Variants in TBCD observed in about 807,000 individuals in gnomAD.
TBCD encodes the protein tubulin folding cofactor D, also known as tubulin-specific chaperone D.
TBCD carries 105 observed loss-of-function variants against 169.3 expected under a neutral mutation model. That is an observed-to-expected ratio of 0.62 (90% CI 0.53 to 0.73). The LOEUF is 0.73. Among genes scored for constraint, TBCD ranks in the 30% least tolerant of loss-of-function variants. The probability of loss-of-function intolerance (pLI) is 0.00; values close to 1 mark genes in which losing one functional copy is unlikely to be tolerated. For synonymous variants in TBCD, 700 were observed against 643.9 expected (o/e 1.09, Z -1.32); for missense variants, 1,444 against 1,600.1 (o/e 0.90, Z 1.66).
At chr17:82,941,328 G>A (rs142848723) in intron 37 of TBCD, 71 bp from the exon 38 acceptor site, 8 of 1,357,228 alleles carry the variant, frequency 5.9e-6, no homozygotes, top group East Asian at 2.6e-5. Flanking sequence ...GAAGCTTGAC[G>A]CGGGACCTCC....
At chr17:82,932,443 C>A (rs1324907228) in intron 33 of TBCD, among the ~76,000 whole-genome samples, 1 of 152,258 alleles carries the variant, frequency 6.6e-6, no homozygotes, top group African/African-American at 2.4e-5. Flanking sequence ...TCTATCCCTT[C>A]CACTTTACCA....
At chr17:82,863,309 G>A (rs754049334) in intron 13 of TBCD, among the ~76,000 whole-genome samples, 1 of 152,180 alleles carries the variant, frequency 6.6e-6, no homozygotes, top group Non-Finnish European at 1.5e-5. Flanking sequence ...CTGTGTGCCT[G>A]GAACCTTTAG....
rs4986128 is a variant in TBCD at position 82,890,733 on chromosome 17, T to C, written c.1563+1036T>C. On this transcript the variant is annotated intron_variant, in intron 16 of 38. Transcript: ENST00000355528. This position sits in a 1 kb window ranked among gnomAD's most constrained non-coding sequence, Gnocchi z 5.3. ...CCCACCCAGCATCCTTGGGGTGCCG[T>C]GGGGCCTGCATGTGTTCAGAGCCCT... 0.34 allele frequency among the ~76,000 whole-genome samples: 50,993 copies of C among 152,050 alleles called. 9,383 individuals carry two copies. Among genetic ancestry groups the C allele is most frequent in the African/African-American group, 0.48 (20,087 of 41,456 alleles).
At chr17:82,823,353 G>A (rs903883614) in intron 13 of TBCD, among the ~76,000 whole-genome samples, 1 of 152,194 alleles carries the variant, frequency 6.6e-6, no homozygotes, top group African/African-American at 2.4e-5. Context: ...CCAGTTCCCC[G>A]CCTGTTTTTG....
intron 27 of TBCD, 88 bp from the exon 28 acceptor site, chr17:82,926,312 T>C: frequency 7.9e-7 from 1 of 1,266,176 alleles, no homozygotes; most frequent in Non-Finnish European, 1.1e-6. Context: ...GTGTGGGGTC[T>C]GTGGCTCCGG....
rs1599269666 is a variant in TBCD at position 82,890,667 on chromosome 17, A to G, written c.1563+970A>G. 1.3e-5 allele frequency among the ~76,000 whole-genome samples: 2 copies of G among 152,086 alleles called. No homozygotes were observed. The highest frequency in any genetic ancestry group is 3.9e-4 in the East Asian group (2 of 5,178). On this transcript the variant is annotated intron_variant, in intron 16 of 38. Coordinates refer to ENST00000355528, the MANE Select transcript of TBCD (RefSeq NM_005993.5). The surrounding 1 kb of genome is among the most constrained non-coding windows in gnomAD (Gnocchi z 5.3). ...CGGCTTTCTGTAGACGGAGCCCAGG[A>G]AGGGGCGTGACTACTTCTTGCTGGC...
At chr17:82,928,091 T>C in intron 30 of TBCD, 103 bp downstream of exon 30, 2 of 1,008,178 alleles carry the variant, frequency 2.0e-6, no homozygotes, top group Non-Finnish European at 3.0e-6. Flanking sequence ...TTTGCACTGC[T>C]GGGCACACAC....
At chr17:82,908,927 A>G (rs2060429632) in intron 21 of TBCD, among the ~76,000 whole-genome samples, 1 of 152,274 alleles carries the variant, frequency 6.6e-6, no homozygotes. Context: ...TTACAAAAAA[A>G]GAAACATCAG....
At chr17:82,869,310 A>G (rs564925476) in intron 13 of TBCD, among the ~76,000 whole-genome samples, 2 of 152,174 alleles carry the variant, frequency 1.3e-5, no homozygotes, top group African/African-American at 2.4e-5. Context: ...TCTCATGTCT[A>G]TGTAAAAAAT....
At chr17:82,910,661 G>A (rs78395964) in intron 22 of TBCD, among the ~76,000 whole-genome samples, 16,541 of 151,732 alleles carry the variant, frequency 0.11, 1,144 homozygotes, top group South Asian at 0.3. Flanking sequence ...CACCTCCCAC[G>A]TTCAAGCGAC....
chr17:82,901,144 T>G (rs1318999171), intron 18 of TBCD, among the ~76,000 whole-genome samples: 1 of 152,194 alleles, frequency 6.6e-6, no homozygotes, highest in East Asian at 1.9e-4. Flanking sequence ...TTAGTGGCCG[T>G]TTTCATCATT....
In TBCD at chr17:82,805,927, G is replaced by A. The variant is rs905024253; in HGVS notation, c.1003G>A (p.Gly335Ser). 2.5e-6 allele frequency: 4 copies of A among 1,613,650 alleles called. No homozygotes were observed. The highest frequency in any genetic ancestry group is 3.4e-6 in the Non-Finnish European group (4 of 1,179,664). Reference protein sequence around the residue: ...LAANLQLLTQGQSEQKPLILT... With the variant: ...LAANLQLLTQSQSEQKPLILT... ...TGCAAATCTGCAGCTCCTCACTCAGGGTCAGAGTGAGCAGAAGCCACTCAT... is the reference window on the plus strand; with the variant it reads ...TGCAAATCTGCAGCTCCTCACTCAGAGTCAGAGTGAGCAGAAGCCACTCAT... Residue 335 changes from glycine to serine, a missense_variant, in exon 10 of 39, where the codon GGT becomes AGT. Coordinates refer to ENST00000355528, the MANE Select transcript of TBCD (RefSeq NM_005993.5).
chr17:82,850,036 T>C (rs71370240), intron 13 of TBCD, among the ~76,000 whole-genome samples: 3,628 of 20,040 alleles, frequency 0.18, 204 homozygotes, highest in Non-Finnish European at 0.23. Flanking sequence ...GGCTGTGCTG[T>C]TGTTGGCTGT....
At chr17:82,829,852 CATTT>C (rs909549143) in intron 13 of TBCD, 6 of 437,478 alleles carry the variant, frequency 1.4e-5, no homozygotes, top group African/African-American at 9.8e-5. Context: ...TATAAGGAAA[CATTT>C]ATAAAAGATC....
chr17:82,937,460 A>C, intron 35 of TBCD, 100 bp downstream of exon 35: 2 of 1,021,688 alleles, frequency 2.0e-6, no homozygotes, highest in Non-Finnish European at 1.5e-6. Context: ...AGGAGCAGTT[A>C]GTGTTACTCC....
intron 23 of TBCD, among the ~76,000 whole-genome samples, chr17:82,914,887 A>G (rs1422239446): frequency 2.6e-5 from 4 of 152,202 alleles, no homozygotes; most frequent in African/African-American, 9.7e-5. Context: ...ATAGTTCAGA[A>G]GGGGAAATAG....
intron 15 of TBCD, among the ~76,000 whole-genome samples, chr17:82,887,168 T>TGTGTGTGCGCGC: frequency 8.0e-4 from 101 of 126,182 alleles, no homozygotes; most frequent in Middle Eastern, 8.0e-3. Flanking sequence ...TGTGTGTGTG[T>TGTGTGTGCGCGC]GCGCGCGCGC....
At position 82,793,948 on chromosome 17, in the gene TBCD, C is replaced by T. The variant is rs74000101; in HGVS notation, c.772-3809C>T. On this transcript the variant is annotated intron_variant, in intron 7 of 38. Transcript: ENST00000355528. ...GACTCGCTCTCCTCATCTGCAGAGTCGGCATGGTTATGTGGGGCCACAGGG... is the reference window on the plus strand; with the variant it reads ...GACTCGCTCTCCTCATCTGCAGAGTTGGCATGGTTATGTGGGGCCACAGGG... 9.6e-3 allele frequency among the ~76,000 whole-genome samples: 1,461 copies of T among 152,296 alleles called. 18 individuals are homozygous for T. Among genetic ancestry groups the T allele is most frequent in the African/African-American group, 0.032 (1,338 of 41,558 alleles).
At chr17:82,850,664 G>T (rs2055716018) in intron 13 of TBCD, among the ~76,000 whole-genome samples, 1 of 152,180 alleles carries the variant, frequency 6.6e-6, no homozygotes, top group Admixed American at 6.5e-5. Flanking sequence ...GCTGTTGTTG[G>T]TTGTGTGTGC....
Sources: gnomAD v4.1 joint callset for allele counts (sites outside exome capture counted in the v4.1 genomes callset) on GRCh38, gnomAD v4.1.1 for gene constraint, Gnocchi (gnomAD v3.1) non-coding constraint, MANE v1.5 for transcripts, NCBI Gene and HGNC (gene_info 2026-07-23, HGNC 2026-07-21) for gene names.